The following TNRC6B variants were observed in gnomAD, a reference collection of about 807,000 sequenced individuals.
The protein encoded by TNRC6B is trinucleotide repeat-containing gene 6B protein.
Under a neutral mutation model 203.6 loss-of-function variants are expected in TNRC6B, and 52 were observed. That is an observed-to-expected ratio of 0.26 (90% CI 0.20 to 0.32). The LOEUF (loss-of-function observed/expected upper bound fraction) is 0.32. TNRC6B is among the 10% of genes least tolerant of loss of function. The probability of loss-of-function intolerance (pLI) is 1.00; values close to 1 mark genes in which losing one functional copy is unlikely to be tolerated. For missense variants in TNRC6B, 1,923 were observed against 2,286.2 expected, an observed-to-expected ratio of 0.84 and a Z score of 3.24; for synonymous variants, 838 against 845.7, an observed-to-expected ratio of 0.99 and a Z score of 0.16.
At chr22:40,080,168 C>G (rs986401528) in intron 1 of TNRC6B, among the ~76,000 whole-genome samples, 1 of 142,964 alleles carries the variant, frequency 7.0e-6, no homozygotes, top group Non-Finnish European at 1.5e-5. Flanking sequence ...ACTCCTGACT[C>G]TTGGCCGTAA....
At position 40,102,823 on chromosome 22, in the gene TNRC6B, A is replaced by T. The variant is rs185811211; in HGVS notation, c.-120-14232A>T. On this transcript the variant is annotated intron_variant, in intron 1 of 23. Coordinates refer to the TNRC6B transcript ENST00000301923. ...ACTGCGCGTGGTGGCTCACACCTGT[A>T]ATCCCAGCACTTTGGGAGGCTGAGG... Among the ~76,000 whole-genome samples, 97 of 152,270 alleles carry T rather than the reference A, an allele frequency of 6.4e-4. 1 individual carries two copies. The East Asian group carries it at 0.017, about 27-fold the overall frequency.
chr22:40,165,469 C>T (rs1181805476), intron 4 of TNRC6B, among the ~76,000 whole-genome samples: 1 of 152,170 alleles, frequency 6.6e-6, no homozygotes, highest in Non-Finnish European at 1.5e-5. Flanking sequence ...AGCCACCATG[C>T]CCAGTCATCA....
intron 1 of TNRC6B, among the ~76,000 whole-genome samples, chr22:40,046,475 AT>A (rs1480710230): frequency 6.6e-6 from 1 of 152,186 alleles, no homozygotes; most frequent in Non-Finnish European, 1.5e-5. Flanking sequence ...GTTCTTTACT[AT>A]TATTAAGGGC....
intron 16 of TNRC6B, 131 bp downstream of exon 16, chr22:40,308,780 A>G (rs2071130413): frequency 1.8e-6 from 2 of 1,100,088 alleles, no homozygotes; most frequent in African/African-American, 3.2e-5. Context: ...CTGTGGAGGA[A>G]GGTCAGAGTC....
intron 3 of TNRC6B, among the ~76,000 whole-genome samples, chr22:40,254,874 G>A (rs749513457): frequency 7.2e-5 from 11 of 152,104 alleles, no homozygotes; most frequent in African/African-American, 1.4e-4. Flanking sequence ...ACAACAGAGC[G>A]AGACTCTGTC....
chr22:40,284,648 A>G (rs1729073102), intron 11 of TNRC6B, among the ~76,000 whole-genome samples: 1 of 152,170 alleles, frequency 6.6e-6, no homozygotes, highest in African/African-American at 2.4e-5. Flanking sequence ...AAATAACTAT[A>G]GTGTGGTTTG....
intron 3 of TNRC6B, among the ~76,000 whole-genome samples, chr22:40,132,491 A>G (rs6001793): frequency 4.5e-5 from 4 of 89,424 alleles, no homozygotes; most frequent in Non-Finnish European, 6.9e-5. Context: ...AATAAAGGCG[A>G]GGCGAGGGCG....
intron 1 of TNRC6B, among the ~76,000 whole-genome samples, chr22:40,212,796 C>T (rs967531134): frequency 7.9e-5 from 12 of 152,074 alleles, no homozygotes; most frequent in Admixed American, 5.2e-4. Context: ...TTAATAGGCA[C>T]GTGCCACCAC....
At chr22:40,259,959 G>A (rs571923524) in intron 3 of TNRC6B, among the ~76,000 whole-genome samples, 1 of 152,258 alleles carries the variant, frequency 6.6e-6, no homozygotes, top group African/African-American at 2.4e-5. Flanking sequence ...TTTTTATGGA[G>A]AGGGTAGTGA....
chr22:40,300,654 T>G, intron 13 of TNRC6B, 68 bp downstream of exon 13: 1 of 1,550,256 alleles, frequency 6.5e-7, no homozygotes, highest in Non-Finnish European at 8.7e-7. Context: ...TAGCTTTGAT[T>G]TGCTTCCCAC....
intron 6 of TNRC6B, 138 bp downstream of exon 6, chr22:40,270,418 C>T: frequency 4.6e-6 from 4 of 865,858 alleles, no homozygotes; most frequent in Non-Finnish European, 4.6e-6. Flanking sequence ...TTTCCAGCTT[C>T]AAGCGATTCT....
intron 11 of TNRC6B, among the ~76,000 whole-genome samples, chr22:40,283,007 GTTTA>G (rs1373940003): frequency 4.0e-5 from 6 of 151,650 alleles, no homozygotes; most frequent in Admixed American, 3.3e-4. Context: ...TTTTTCTCCC[GTTTA>G]TTTTTCATTT....
intron 15 of TNRC6B, among the ~76,000 whole-genome samples, chr22:40,304,646 C>G (rs1387446504): frequency 3.9e-5 from 6 of 152,126 alleles, no homozygotes; most frequent in Admixed American, 3.9e-4. Context: ...CGAAAATTCT[C>G]ATTATAGTAA....
At chr22:40,151,625 G>A (rs2146347724) in intron 3 of TNRC6B, among the ~76,000 whole-genome samples, 1 of 150,484 alleles carries the variant, frequency 6.6e-6, no homozygotes, top group South Asian at 2.1e-4. Context: ...TGTTATAATG[G>A]AACAAGAACA....
intron 1 of TNRC6B, among the ~76,000 whole-genome samples, chr22:40,058,524 A>C (rs1314621891): frequency 6.6e-6 from 1 of 152,198 alleles, no homozygotes; most frequent in African/African-American, 2.4e-5. Flanking sequence ...TTAGCTTTGG[A>C]AGCAGACAGT....
At chr22:40,240,171 C>G (rs1187500355) in intron 1 of TNRC6B, among the ~76,000 whole-genome samples, 1 of 152,156 alleles carries the variant, frequency 6.6e-6, no homozygotes, top group Non-Finnish European at 1.5e-5. Flanking sequence ...GTCACTTCTA[C>G]TTTTCTCTAC....
At chr22:40,309,181 G>A (rs947712906) in intron 16 of TNRC6B, among the ~76,000 whole-genome samples, 2 of 152,198 alleles carry the variant, frequency 1.3e-5, no homozygotes, top group Admixed American at 6.5e-5. Flanking sequence ...GATGTTGGTC[G>A]GCTTTTCCTC....
chr22:40,201,676 C>T (rs1307202167), intron 1 of TNRC6B, among the ~76,000 whole-genome samples: 4 of 151,916 alleles, frequency 2.6e-5, no homozygotes, highest in South Asian at 2.1e-4. Flanking sequence ...CCTCCCACCT[C>T]GGCCTCTTGA....
intron 20 of TNRC6B, 144 bp from the exon 21 acceptor site, chr22:40,315,798 A>G: frequency 1.4e-6 from 1 of 701,514 alleles, no homozygotes; most frequent in East Asian, 2.7e-5. Context: ...CCAGTAGAAG[A>G]GAAAAAGAAG....
Sources: gnomAD v4.1 joint callset for allele counts (sites outside exome capture counted in the v4.1 genomes callset) on GRCh38, gnomAD v4.1.1 for gene constraint, MANE v1.5 for transcripts, NCBI Gene and HGNC (gene_info 2026-07-23, HGNC 2026-07-21) for gene names.